Variants in RELN observed in about 807,000 individuals in gnomAD.
RELN encodes reelin.
RELN carries 108 observed loss-of-function variants against 427.6 expected under a neutral mutation model. That is an observed-to-expected ratio of 0.25 (90% CI 0.22 to 0.30). The LOEUF (loss-of-function observed/expected upper bound fraction) is 0.30. Among genes scored for constraint, RELN ranks in the 10% least tolerant of loss-of-function variants. The pLI is 1.00. For missense variants in RELN, 3,715 were observed against 4,302.8 expected (o/e 0.86, Z 3.82); for synonymous variants, 1,524 against 1,513.4 (o/e 1.01, Z -0.16).
At chr7:103,622,312 T>C (rs938819513) in intron 20 of RELN, among the ~76,000 whole-genome samples, 6 of 152,224 alleles carry the variant, frequency 3.9e-5, no homozygotes, top group Non-Finnish European at 7.3e-5. Context: ...TGATCATTAC[T>C]ACATCCTCTA....
At chr7:103,604,285 G>GTATC in intron 23 of RELN, 61 bp downstream of exon 23, 1 of 1,600,850 alleles carries the variant, frequency 6.2e-7, no homozygotes, top group Non-Finnish European at 8.5e-7. Context: ...AACTGCTGTG[G>GTATC]TATCCTCCAG....
intron 2 of RELN, among the ~76,000 whole-genome samples, chr7:103,901,457 T>C (rs969138067): frequency 4.3e-4 from 66 of 152,028 alleles, no homozygotes; most frequent in African/African-American, 1.6e-3. Flanking sequence ...TACACAAAGA[T>C]TCATGGCAAC....
intron 2 of RELN, among the ~76,000 whole-genome samples, chr7:103,860,425 C>T (rs1404358125): frequency 6.6e-6 from 1 of 152,058 alleles, no homozygotes; most frequent in African/African-American, 2.4e-5. Flanking sequence ...TGTTTAGATG[C>T]AGAAAAATGT....
intron 1 of RELN, among the ~76,000 whole-genome samples, chr7:103,928,590 TAATTG>T (rs1795794917): frequency 6.6e-6 from 1 of 152,226 alleles, no homozygotes; most frequent in African/African-American, 2.4e-5. Context: ...TGAAAAATTA[TAATTG>T]AATTGAATTG....
At chr7:103,773,114 T>TTCTTTC (rs1791615779) in intron 4 of RELN, among the ~76,000 whole-genome samples, 2 of 68,504 alleles carry the variant, frequency 2.9e-5, no homozygotes, top group African/African-American at 4.6e-5. Flanking sequence ...CTTTCTTTCT[T>TTCTTTC]TCTTTCTTTC....
At chr7:103,889,821 A>T (rs759413941) in intron 2 of RELN, among the ~76,000 whole-genome samples, 8 of 152,120 alleles carry the variant, frequency 5.3e-5, no homozygotes, top group Non-Finnish European at 1.0e-4. Flanking sequence ...CAACCCTAAA[A>T]TCCTAGCATA....
chr7:103,796,423 T>A (rs145144767), intron 3 of RELN, among the ~76,000 whole-genome samples: 1 of 152,354 alleles, frequency 6.6e-6, no homozygotes, highest in African/African-American at 2.4e-5. Context: ...CTTCTTGTTT[T>A]GCAATTTTAA....
chr7:103,759,990 C>CTTTTTTTTTTT (rs57019839), intron 4 of RELN, among the ~76,000 whole-genome samples: 1 of 64,932 alleles, frequency 1.5e-5, no homozygotes, highest in Non-Finnish European at 2.9e-5. Flanking sequence ...CACAGTCATA[C>CTTTTTTTTTTT]TTTTTTTTTT....
intron 10 of RELN, among the ~76,000 whole-genome samples, chr7:103,697,461 T>G (rs938348729): frequency 6.6e-6 from 1 of 152,094 alleles, no homozygotes; most frequent in South Asian, 2.1e-4. Context: ...TATACTGTAG[T>G]TTCTCAATAC....
At chr7:103,961,313 A>G (rs1796549216) in intron 1 of RELN, among the ~76,000 whole-genome samples, 1 of 152,198 alleles carries the variant, frequency 6.6e-6, no homozygotes, top group Non-Finnish European at 1.5e-5. Flanking sequence ...CAGCCATCTG[A>G]GAAACATTTT....
At chr7:103,665,515 T>C (rs1833245317) in intron 11 of RELN, among the ~76,000 whole-genome samples, 5 of 152,174 alleles carry the variant, frequency 3.3e-5, no homozygotes. Context: ...AGAATCACTT[T>C]GTTGAGTTCT....
intron 3 of RELN, among the ~76,000 whole-genome samples, chr7:103,797,225 C>T (rs1792327467): frequency 1.3e-5 from 2 of 152,058 alleles, no homozygotes; most frequent in Non-Finnish European, 2.9e-5. Context: ...GCCTCAGCCT[C>T]CCGAGTAGCT....
chr7:103,683,779 C>G (rs186022081), intron 10 of RELN, among the ~76,000 whole-genome samples: 84 of 152,206 alleles, frequency 5.5e-4, no homozygotes, highest in African/African-American at 2.0e-3. Flanking sequence ...TGACATATTA[C>G]CAAAGAAAGG....
chr7:103,845,446 G>T (rs1563047354), intron 2 of RELN, among the ~76,000 whole-genome samples: 1 of 152,176 alleles, frequency 6.6e-6, no homozygotes, highest in Non-Finnish European at 1.5e-5. Context: ...CTCCCAAAGT[G>T]CTGGGATTAC....
chr7:103,945,693 A>C (rs1584391064), intron 1 of RELN, among the ~76,000 whole-genome samples: 2 of 152,212 alleles, frequency 1.3e-5, no homozygotes, highest in Admixed American at 1.3e-4. Flanking sequence ...TTATTTGAGT[A>C]CAATCAAGAG....
intron 28 of RELN, among the ~76,000 whole-genome samples, chr7:103,580,527 C>A (rs1017355379): frequency 6.6e-6 from 1 of 152,232 alleles, no homozygotes; most frequent in African/African-American, 2.4e-5. Context: ...TACCACCCAA[C>A]ATCAAACACA....
intron 3 of RELN, among the ~76,000 whole-genome samples, chr7:103,808,199 CA>C (rs1162091199): frequency 6.8e-6 from 1 of 147,142 alleles, no homozygotes; most frequent in African/African-American, 2.5e-5. Context: ...AGATAACCAT[CA>C]AAAACCTTTC....
intron 61 of RELN, 150 bp downstream of exon 61, chr7:103,486,047 A>G (rs1192574183): frequency 1.4e-6 from 1 of 725,824 alleles, no homozygotes; most frequent in South Asian, 1.6e-5. Context: ...TGAAACATAT[A>G]TGCTTCCTTG....
At chr7:103,588,771 T>C (rs531878474) in intron 28 of RELN, among the ~76,000 whole-genome samples, 4 of 152,106 alleles carry the variant, frequency 2.6e-5, no homozygotes, top group East Asian at 1.9e-4. Flanking sequence ...TTGAAGATCA[T>C]AGAAATGAAA....
Sources: allele counts gnomAD v4.1 joint callset (sites outside exome capture counted in the v4.1 genomes callset), GRCh38; gene constraint gnomAD v4.1.1; transcripts MANE v1.5; gene names NCBI Gene and HGNC (gene_info 2026-07-23, HGNC 2026-07-21).